The following ABTB2 variants were observed in gnomAD, a reference collection of about 807,000 sequenced individuals.
The protein encoded by ABTB2 is ankyrin repeat and BTB domain containing 2.
ABTB2 carries 56 observed loss-of-function variants against 104.1 expected under a neutral mutation model. The ratio of observed to expected loss-of-function variants is 0.54; its 90% CI spans 0.43 to 0.67. The LOEUF is 0.67. ABTB2 is among the 30% of genes least tolerant of loss of function. The pLI, the probability that ABTB2 is intolerant of heterozygous loss-of-function variation, is 0.00. For missense variants in ABTB2, 1,279 were observed against 1,407.7 expected (o/e 0.91, Z 1.46); for synonymous variants, 606 against 608.2 (o/e 1.00, Z 0.05).
intron 1 of ABTB2, among the ~76,000 whole-genome samples, chr11:34,347,774 TTAAC>T (rs141921532): frequency 0.21 from 31,606 of 152,046 alleles, 3,349 homozygotes; most frequent in Admixed American, 0.25. Flanking sequence ...TGGAAACACA[TTAAC>T]TAAGAATTAA....
chr11:34,156,893 A>G (rs559411591), intron 14 of ABTB2, among the ~76,000 whole-genome samples: 1 of 152,372 alleles, frequency 6.6e-6, no homozygotes, highest in Non-Finnish European at 1.5e-5. Flanking sequence ...CAAAAATATT[A>G]AAATCAATTT....
At chr11:34,193,400 G>T (rs1020192235) in intron 3 of ABTB2, among the ~76,000 whole-genome samples, 3 of 152,236 alleles carry the variant, frequency 2.0e-5, no homozygotes, top group African/African-American at 7.2e-5. Flanking sequence ...CCCCAGAGAA[G>T]GTGGCCCCAA....
At chr11:34,271,210 A>G (rs1854310171) in intron 1 of ABTB2, among the ~76,000 whole-genome samples, 1 of 152,222 alleles carries the variant, frequency 6.6e-6, no homozygotes, top group Non-Finnish European at 1.5e-5. Context: ...CCATGTCCTG[A>G]TTCAGACTAA....
intron 1 of ABTB2, among the ~76,000 whole-genome samples, chr11:34,289,137 T>C (rs1035558441): frequency 3.3e-5 from 5 of 152,234 alleles, no homozygotes; most frequent in Middle Eastern, 3.2e-3. Context: ...AGAATTCTTA[T>C]GCTTCTAGGT....
intron 3 of ABTB2, among the ~76,000 whole-genome samples, chr11:34,178,730 C>T (rs192621641): frequency 3.9e-5 from 6 of 152,304 alleles, no homozygotes; most frequent in African/African-American, 1.4e-4. Flanking sequence ...GGATCTGATA[C>T]CTCAGAATAG....
chr11:34,263,407 T>C (rs1183859422), intron 1 of ABTB2, among the ~76,000 whole-genome samples: 1 of 151,492 alleles, frequency 6.6e-6, no homozygotes, highest in East Asian at 1.9e-4. Flanking sequence ...AGAGAGGAGG[T>C]GTGGTTTAAA....
At chr11:34,186,470 C>CA (rs930311136) in intron 3 of ABTB2, among the ~76,000 whole-genome samples, 1 of 152,216 alleles carries the variant, frequency 6.6e-6, no homozygotes, top group African/African-American at 2.4e-5. Context: ...TTTAAGAAAG[C>CA]AAAATCAATT....
At chr11:34,172,482 A>ATAGG (rs1852897347) in intron 4 of ABTB2, among the ~76,000 whole-genome samples, 1 of 150,714 alleles carries the variant, frequency 6.6e-6, no homozygotes, top group African/African-American at 2.4e-5. Flanking sequence ...AGATAGATAG[A>ATAGG]TAAAAGGCTC....
In ABTB2 at chr11:34,336,044, T is replaced by TAA. The variant is rs1253940944; in HGVS notation, c.883+20655_883+20656dup. The stretch of plus-strand genomic sequence containing the variant: ...AGTTCACTAAATAGCTTTCCTTTGG[T>TAA]AAAGTTATTCCAGTCACCACCACTG... On this transcript the variant is annotated intron_variant, in intron 1 of 16. Transcript: ENST00000435224. The TAA allele has an allele frequency of 1.9e-5, 8 of 422,954 alleles. No individual in the cohort carries two copies. The Admixed American group carries it at 3.2e-4, about 17-fold the overall frequency. 26.2% of individuals were successfully genotyped at this position (422,954 alleles called of 1,614,324 possible).
chr11:34,223,703 T>G (rs1389986194), intron 1 of ABTB2, among the ~76,000 whole-genome samples: 1 of 152,160 alleles, frequency 6.6e-6, no homozygotes, highest in Non-Finnish European at 1.5e-5. Flanking sequence ...AGCCTCAGCC[T>G]CATTACTCAA....
intron 7 of ABTB2, among the ~76,000 whole-genome samples, chr11:34,166,811 A>G (rs1396185191): frequency 6.6e-6 from 1 of 152,208 alleles, no homozygotes; most frequent in East Asian, 1.9e-4. Context: ...AGCCATGCCA[A>G]TCCGAAACCT....
chr11:34,306,771 C>T (rs1226660638), intron 1 of ABTB2, among the ~76,000 whole-genome samples: 2 of 151,716 alleles, frequency 1.3e-5, no homozygotes, highest in Non-Finnish European at 2.9e-5. Context: ...GGAAGGTACA[C>T]CACTTTCTTT....
At chr11:34,263,260 T>C (rs1244707063) in intron 1 of ABTB2, among the ~76,000 whole-genome samples, 1 of 152,042 alleles carries the variant, frequency 6.6e-6, no homozygotes, top group Non-Finnish European at 1.5e-5. Flanking sequence ...TGCGCTTGCA[T>C]GAGGGCCACA....
intron 1 of ABTB2, among the ~76,000 whole-genome samples, chr11:34,264,143 G>A (rs1854220047): frequency 6.6e-6 from 1 of 152,234 alleles, no homozygotes; most frequent in Non-Finnish European, 1.5e-5. Context: ...CATCAGGAGA[G>A]TCTCCAAACA....
chr11:34,176,162 TC>T (rs753971409), intron 3 of ABTB2, among the ~76,000 whole-genome samples: 3 of 150,854 alleles, frequency 2.0e-5, no homozygotes, highest in Non-Finnish European at 4.4e-5. Context: ...CACCTGTAGT[TC>T]CGGCTACTCA....
chr11:34,329,276 G>T (rs1451843259), intron 1 of ABTB2, among the ~76,000 whole-genome samples: 2 of 152,188 alleles, frequency 1.3e-5, no homozygotes, highest in African/African-American at 2.4e-5. Flanking sequence ...TTCAAATAAA[G>T]TTACCCTTGC....
At chr11:34,183,032 G>A (rs77240847) in intron 3 of ABTB2, among the ~76,000 whole-genome samples, 3 of 152,074 alleles carry the variant, frequency 2.0e-5, no homozygotes, top group Non-Finnish European at 2.9e-5. Context: ...CCTGGTGCTG[G>A]CCCAACTCCT....
intron 1 of ABTB2, among the ~76,000 whole-genome samples, chr11:34,347,560 A>G (rs544108945): frequency 6.6e-6 from 1 of 152,364 alleles, no homozygotes; most frequent in African/African-American, 2.4e-5. Context: ...GTGACAAGAA[A>G]ATTCCTTCCC....
chr11:34,249,994 G>C (rs1408587382), intron 1 of ABTB2, among the ~76,000 whole-genome samples: 1 of 152,176 alleles, frequency 6.6e-6, no homozygotes, highest in Non-Finnish European at 1.5e-5. Context: ...GCATCCCTGG[G>C]GATCTGGTGA....
Sources: gnomAD v4.1 joint callset for allele counts (sites outside exome capture counted in the v4.1 genomes callset) on GRCh38, gnomAD v4.1.1 for gene constraint, MANE v1.5 for transcripts, NCBI Gene and HGNC (gene_info 2026-07-23, HGNC 2026-07-21) for gene names.